Variants in TICRR observed in about 807,000 individuals in gnomAD.
TICRR encodes the protein TOPBP1 interacting checkpoint and replication regulator.
Under a neutral mutation model 178.1 loss-of-function variants are expected in TICRR, and 132 were observed. The ratio of observed to expected loss-of-function variants is 0.74; its 90% CI spans 0.64 to 0.86. The LOEUF is 0.86. TICRR is among the 40% of genes least tolerant of loss of function. The pLI, the probability that TICRR is intolerant of heterozygous loss-of-function variation, is 0.00. For missense variants in TICRR, 2,587 were observed against 2,334.3 expected (o/e 1.11, Z -2.23); for synonymous variants, 991 against 900.7 (o/e 1.10, Z -1.79).
intron 1 of TICRR, 26 bp from the exon 2 acceptor site, chr15:89,582,660 T>C: frequency 6.2e-7 from 1 of 1,606,880 alleles, no homozygotes; most frequent in Non-Finnish European, 8.5e-7. Flanking sequence ...TATAGTAACC[T>C]AAGGTTGTTT....
intron 3 of TICRR, 52 bp from the exon 4 acceptor site, chr15:89,585,656 C>CT: frequency 8.0e-7 from 1 of 1,254,588 alleles, no homozygotes; most frequent in Non-Finnish European, 1.2e-6. Flanking sequence ...CTACATTCTT[C>CT]TTTAGGCATA....
chr15:89,595,716 G>T, intron 7 of TICRR, 105 bp downstream of exon 7: 2 of 750,466 alleles, frequency 2.7e-6, no homozygotes, highest in Non-Finnish European at 4.4e-6. Flanking sequence ...GCACAAAAAG[G>T]TGTTATGGTG....
chr15:89,621,177 G>A (rs567093790), intron 18 of TICRR, among the ~76,000 whole-genome samples: 83 of 152,074 alleles, frequency 5.5e-4, no homozygotes, highest in African/African-American at 1.4e-3. Flanking sequence ...CTGCCACCAC[G>A]CCCAGCTAAT....
In TICRR at chr15:89,608,893, C is replaced by G; in HGVS notation, c.2813C>G (p.Ser938Cys). ...SLKRGLPRSH[S>C]VSAVDGLEDK... is the part of the protein sequence containing the mutation. The stretch of plus-strand genomic sequence containing the variant: ...AAGCGGGGGTTGCCTAGAAGCCATT[C>G]TGTGTCAGCTGTGGATGGTCTAGAG... Residue 938 changes from serine to cysteine, a missense_variant, in exon 15 of 22, where the codon TCT becomes TGT. Coordinates refer to ENST00000268138, the MANE Select transcript of TICRR (RefSeq NM_152259.4). 1.9e-6 allele frequency: 3 copies of G among 1,611,374 alleles called. No homozygotes were observed. In the South Asian group the frequency reaches 3.3e-5, roughly 18 times the overall value.
Position 89,623,796 on chromosome 15 carries a change from A to G in TICRR, c.3486A>G (p.Ser1162=), listed in dbSNP as rs899936076. 3.1e-6 allele frequency: 5 copies of G among 1,613,674 alleles called. No homozygotes were observed. Among genetic ancestry groups the G allele is most frequent in the Non-Finnish European group, 3.4e-6 (4 of 1,179,974 alleles). ...AFKESLKDSS[S]PGHDSPLDSK... ...AGGAGTCCTTAAAAGACTCCTCCTC[A>G]CCCGGCCATGACTCACCATTGGATT... The change falls in exon 20 of 22, where the codon TCA becomes TCG. Residue 1162 remains serine, a synonymous_variant. Transcript: ENST00000268138.
At chr15:89,626,764 C>G (rs552756296) in intron 21 of TICRR, among the ~76,000 whole-genome samples, 192 bp from the exon 22 acceptor site, 2 of 152,308 alleles carry the variant, frequency 1.3e-5, no homozygotes, top group African/African-American at 4.8e-5. Flanking sequence ...GCTGCCAGCA[C>G]GGTGCATAGC....
Position 89,594,439 on chromosome 15 carries a change from T to C in TICRR, c.1566T>C (p.Asn522=), listed in dbSNP as rs370372521. 4 of 1,612,586 alleles carry C rather than the reference T, an allele frequency of 2.5e-6. No individual in the cohort carries two copies. Among genetic ancestry groups the C allele is most frequent in the Non-Finnish European group, 3.4e-6 (4 of 1,179,346 alleles). Residue 522 remains asparagine, a synonymous_variant, in exon 6 of 22, where the codon AAT becomes AAC. Coordinates refer to ENST00000268138, the MANE Select transcript of TICRR (RefSeq NM_152259.4). ...GGTTACTACAGGCTGCCTCAGCTAA[T>C]AAGGAAGAGTCTTCCAAAACTGAAG... is the stretch of plus-strand genomic sequence containing the variant. ...SFGLLQAASA[N]KEESSKTEGE... is the part of the protein sequence containing the mutation.
At position 89,627,972 on chromosome 15, in the gene TICRR, A is replaced by AT. The variant is rs1963567722; in HGVS notation, c.*889dup. ...ATCAAACTCTAAGTGAAAACTTCCC[A>AT]TTTGTCCCTTCAAAGATTTTTTTTT... is the stretch of plus-strand genomic sequence containing the variant. On this transcript the variant is annotated 3_prime_UTR_variant, in exon 22 of 22. Coordinates refer to ENST00000268138, the MANE Select transcript of TICRR (RefSeq NM_152259.4). 6.4e-6 allele frequency: 1 copy of AT among 155,764 alleles called. No individual in the cohort carries two copies. The highest frequency in any genetic ancestry group is 1.4e-5 in the Non-Finnish European group (1 of 70,702). The allele number at this position is 155,764 out of a possible 1,614,324, so 9.6% of individuals were successfully genotyped here. A position where few individuals can be genotyped will look rare whatever the true frequency, so the allele number is the denominator to read the frequency against.
At position 89,623,988 on chromosome 15, in the gene TICRR, A is replaced by G. The variant is rs1212653730; in HGVS notation, c.3678A>G (p.Pro1226=). Residue 1226 remains proline, a synonymous_variant, in exon 20 of 22, where the codon CCA becomes CCG. Transcript: ENST00000268138. ...CCAGTCCAGAAAGCCCCTCCTGTCC[A>G]GCCCCTCCAACTTCATCGACTGCCC... ...VNSSPESPSC[P]APPTSSTAQP... is the part of the protein sequence containing the mutation. The G allele has an allele frequency of 6.2e-7, 1 of 1,613,994 alleles. No individual in the cohort carries two copies. Among genetic ancestry groups the G allele is most frequent in the Non-Finnish European group, 8.5e-7 (1 of 1,180,004 alleles).
chr15:89,615,780 T>A (rs1488983354), intron 15 of TICRR, among the ~76,000 whole-genome samples: 3 of 152,318 alleles, frequency 2.0e-5, no homozygotes, highest in Admixed American at 1.3e-4. Flanking sequence ...TTTCACATAT[T>A]TCATTTAATC....
In TICRR at chr15:89,608,765, T is replaced by G. The variant is rs749699070; in HGVS notation, c.2723-38T>G. On this transcript the variant is annotated intron_variant, in intron 14 of 21. Coordinates refer to ENST00000268138, the MANE Select transcript of TICRR (RefSeq NM_152259.4). ...TACGGCATTTATTGATGATAATCTT[T>G]GGGTTTTTCTTTTTCTTTTAATTTT... 3.2e-6 allele frequency: 5 copies of G among 1,540,986 alleles called. No individual in the cohort carries two copies. In the African/African-American group the frequency reaches 7.1e-5, roughly 22 times the overall value.
chr15:89,576,980 C>T (rs1440761392), intron 1 of TICRR, among the ~76,000 whole-genome samples: 2 of 151,668 alleles, frequency 1.3e-5, no homozygotes, highest in Non-Finnish European at 2.9e-5. Flanking sequence ...GCAACCTCCA[C>T]CCCTCCGGGT....
chr15:89,625,340 C>T lies in TICRR; in HGVS notation c.5030C>T (p.Thr1677Ile), dbSNP rs781674607. 5 of 1,613,980 alleles carry T rather than the reference C, an allele frequency of 3.1e-6. No homozygotes were observed. Among genetic ancestry groups the T allele is most frequent in the East Asian group, 4.5e-5 (2 of 44,862 alleles). The stretch of plus-strand genomic sequence containing the variant: ...CCATCCCCCAAGCACAGTGGGAAGA[C>T]AACTCCAGACATAATTAAAGACTGG... Reference protein sequence around the residue: ...WTPSPKHSGKTTPDIIKDWPR... With the variant: ...WTPSPKHSGKITPDIIKDWPR... The change falls in exon 20 of 22, where the codon ACA becomes ATA. Residue 1677 changes from threonine (T) to isoleucine (I), a missense_variant. Physicochemically the swap from Thr to Ile is moderately conservative, Grantham distance 89. Transcript: ENST00000268138.
intron 17 of TICRR, 62 bp from the exon 18 acceptor site, chr15:89,619,646 A>G (rs1963391645): frequency 1.3e-6 from 2 of 1,549,084 alleles, no homozygotes; most frequent in South Asian, 1.3e-5. Context: ...GTTTTGGACA[A>G]CATGAGAAAA....
At chr15:89,620,097 A>G (rs1388276616) in intron 18 of TICRR, among the ~76,000 whole-genome samples, 3 of 152,202 alleles carry the variant, frequency 2.0e-5, no homozygotes, top group Non-Finnish European at 4.4e-5. Context: ...AGCTACCCAT[A>G]ATTTCCCATA....
chr15:89,598,857 A>T (rs1386855279), intron 7 of TICRR, among the ~76,000 whole-genome samples: 4 of 152,030 alleles, frequency 2.6e-5, no homozygotes, highest in African/African-American at 9.7e-5. Context: ...AATACAGAAA[A>T]TAAGCTAGGT....
chr15:89,591,994 G>C, intron 4 of TICRR, 53 bp from the exon 5 acceptor site: 7 of 1,560,410 alleles, frequency 4.5e-6, no homozygotes, highest in South Asian at 1.2e-5. Flanking sequence ...AGAATTCTCT[G>C]CTTTGGTTCT....
chr15:89,615,890 C>CTT (rs756553701), intron 15 of TICRR, among the ~76,000 whole-genome samples: 6 of 145,188 alleles, frequency 4.1e-5, no homozygotes, highest in African/African-American at 1.0e-4. Flanking sequence ...TTTATATTGT[C>CTT]TTTTTTTTTT....
At chr15:89,583,077 A>T in intron 2 of TICRR, 112 bp downstream of exon 2, 1 of 1,154,196 alleles carries the variant, frequency 8.7e-7, no homozygotes, top group East Asian at 2.6e-5. Flanking sequence ...CACTCAACGA[A>T]TGCTTGTCAT....
Sources: gnomAD v4.1 joint callset for allele counts (sites outside exome capture counted in the v4.1 genomes callset) on GRCh38, gnomAD v4.1.1 for gene constraint, MANE v1.5 for transcripts, NCBI Gene and HGNC (gene_info 2026-07-23, HGNC 2026-07-21) for gene names.